Variants in LRRC37A observed in about 807,000 individuals in gnomAD.
LRRC37A encodes leucine-rich repeat-containing protein 37A.
In LRRC37A, 3 loss-of-function variants were observed where a neutral mutation model predicts 35.4. That is an observed-to-expected ratio of 0.08 (90% confidence interval 0.04 to 0.22). The LOEUF is 0.22. Among genes scored for constraint, LRRC37A ranks in the 10% least tolerant of loss-of-function variants. The pLI, the probability that LRRC37A is intolerant of heterozygous loss-of-function variation, is 1.00. For missense variants in LRRC37A, 67 were observed against 565.3 expected (o/e 0.12, Z 8.94); for synonymous variants, 23 against 215.0 (o/e 0.11, Z 7.81).
intron 2 of LRRC37A, among the ~76,000 whole-genome samples, 188 bp downstream of exon 2, chr17:46,300,053 G>A: frequency 2.0e-5 from 1 of 48,960 alleles, no homozygotes; most frequent in African/African-American, 4.7e-5. Flanking sequence ...AAAATAAGAG[G>A]CAATTTAAAT....
At chr17:46,275,267 GT>G in the LRRC37A span, 127,760 of 514,550 alleles carry the variant, frequency 0.25, 18,710 homozygotes, top group Non-Finnish European at 0.32. Flanking sequence ...TAAAAACAAA[GT>G]TTAGGTCAAG....
chr17:46,285,886 G>A, the LRRC37A span, among the ~76,000 whole-genome samples: 1 of 152,248 alleles, frequency 6.6e-6, no homozygotes, highest in East Asian at 1.9e-4. Context: ...GCTGCACACA[G>A]AGGGGCTCTC....
At chr17:46,277,464 A>G in the LRRC37A span, among the ~76,000 whole-genome samples, 6 of 152,180 alleles carry the variant, frequency 3.9e-5, no homozygotes, top group Non-Finnish European at 7.3e-5. Flanking sequence ...TAAAAAAGCA[A>G]TTTTAGAAAT....
At chr17:46,279,175 CT>C in the LRRC37A span, among the ~76,000 whole-genome samples, 17,165 of 144,192 alleles carry the variant, frequency 0.12, 2 homozygotes, top group Non-Finnish European at 0.18. Flanking sequence ...ATAAGGCATT[CT>C]TTTTTTTCTT....
intron 5 of LRRC37A, among the ~76,000 whole-genome samples, chr17:46,317,087 C>A (rs1340662964): frequency 1.2e-5 from 1 of 84,592 alleles, no homozygotes; most frequent in African/African-American, 3.1e-5. Context: ...TCAACAAAAC[C>A]GCCATTGTCA....
chr17:46,254,948 G>A, the LRRC37A span, among the ~76,000 whole-genome samples: 5 of 151,804 alleles, frequency 3.3e-5, no homozygotes, highest in African/African-American at 1.2e-4. Flanking sequence ...CGATTCTCCT[G>A]CCTTAGCCTC....
At chr17:46,248,702 T>C in the LRRC37A span, among the ~76,000 whole-genome samples, 9 of 152,098 alleles carry the variant, frequency 5.9e-5, no homozygotes, top group Admixed American at 2.0e-4. Flanking sequence ...GTATTTTTAG[T>C]AGAGACGAGG....
the LRRC37A span, chr17:46,268,761 A>C: frequency 8.7e-7 from 1 of 1,147,250 alleles, no homozygotes; most frequent in Non-Finnish European, 1.2e-6. Context: ...GTCTATCTTC[A>C]TGTAATGGGT....
At chr17:46,289,695 C>T (rs147657306), upstream of LRRC37A, among the ~76,000 whole-genome samples, 6 of 152,320 alleles carry the variant, frequency 3.9e-5, no homozygotes, top group African/African-American at 1.4e-4. Flanking sequence ...AAAATATTCC[C>T]AAAACGTTTC....
chr17:46,283,654 C>T, the LRRC37A span, among the ~76,000 whole-genome samples: 1 of 151,952 alleles, frequency 6.6e-6, no homozygotes, highest in African/African-American at 2.4e-5. Flanking sequence ...GGGTGTTTCT[C>T]GTTAAGTGGA....
In LRRC37A at chr17:46,316,728, G is replaced by T. The variant is rs1235236268; in HGVS notation, c.2907-5594G>T. 7.4e-5 allele frequency among the ~76,000 whole-genome samples: 6 copies of T among 81,158 alleles called. No individual in the cohort carries two copies. The East Asian group carries it at 1.9e-3, about 26-fold the overall frequency. The allele number at this position is 81,158 out of a possible 152,430, so 53.2% of individuals were successfully genotyped here. A position where few individuals can be genotyped will look rare whatever the true frequency, so the allele number is the denominator to read the frequency against. On this transcript the variant is annotated intron_variant, in intron 5 of 13. Coordinates refer to ENST00000320254, the Ensembl canonical transcript of LRRC37A. The stretch of plus-strand genomic sequence containing the variant: ...TCAGCAGATAAACAAGTGAACAAAG[G>T]TCTCTGGTTTTCCTAGGCAGAGGAC...
the LRRC37A span, among the ~76,000 whole-genome samples, chr17:46,274,485 TAGC>T: frequency 6.6e-6 from 1 of 152,236 alleles, no homozygotes; most frequent in Non-Finnish European, 1.5e-5. Flanking sequence ...CATGTGTACA[TAGC>T]AGCTCCTTTC....
the LRRC37A span, among the ~76,000 whole-genome samples, chr17:46,265,469 T>TCC: frequency 6.7e-6 from 1 of 150,368 alleles, no homozygotes; most frequent in Non-Finnish European, 1.5e-5. Flanking sequence ...CTCCTCTTCC[T>TCC]TCTTCTTCTT....
At chr17:46,291,969 CAAA>C (rs59554870), upstream of LRRC37A, among the ~76,000 whole-genome samples, 177 of 58,084 alleles carry the variant, frequency 3.0e-3, 2 homozygotes, top group African/African-American at 0.01. Flanking sequence ...TCTCAAAAAG[CAAA>C]AAAAAAAAAA....
rs1335216301 is a variant in LRRC37A at position 46,316,323 on chromosome 17, T to C, written c.2907-5999T>C. On this transcript the variant is annotated intron_variant, in intron 5 of 13. Transcript: ENST00000320254. ...CAGTTTTTATTTATCTAGAATATCT[T>C]AATTTCTCTTCAATTTCAAAGGTAG... is the stretch of plus-strand genomic sequence containing the variant. 2.4e-4 allele frequency among the ~76,000 whole-genome samples: 5 copies of C among 20,650 alleles called. No individual in the cohort carries two copies. In the Admixed American group the frequency reaches 2.7e-3, roughly 11 times the overall value. The allele number at this position is 20,650 out of a possible 152,430, so 13.5% of individuals were successfully genotyped here.
At chr17:46,260,799 T>G in the LRRC37A span, among the ~76,000 whole-genome samples, 1 of 152,090 alleles carries the variant, frequency 6.6e-6, no homozygotes, top group Non-Finnish European at 1.5e-5. Flanking sequence ...AATTTTGTAT[T>G]TTTAGTAGAG....
chr17:46,289,467 C>A (rs1389286207), upstream of LRRC37A, among the ~76,000 whole-genome samples: 4 of 152,126 alleles, frequency 2.6e-5, no homozygotes, highest in Non-Finnish European at 4.4e-5. Flanking sequence ...CACTTGTACC[C>A]AGCCATAAGA....
At chr17:46,280,428 C>G in the LRRC37A span, among the ~76,000 whole-genome samples, 2 of 152,212 alleles carry the variant, frequency 1.3e-5, no homozygotes, top group African/African-American at 4.8e-5. Context: ...AATCCCAGCA[C>G]TCTGGGAGGC....
the LRRC37A span, among the ~76,000 whole-genome samples, chr17:46,265,313 T>TC: frequency 8.6e-6 from 1 of 115,978 alleles, no homozygotes; most frequent in Admixed American, 1.0e-4. Flanking sequence ...CTTCTTCTTC[T>TC]TCCTCTTCTT....
Sources: gnomAD v4.1 joint callset for allele counts (sites outside exome capture counted in the v4.1 genomes callset) on GRCh38, gnomAD v4.1.1 for gene constraint, MANE v1.5 for transcripts, NCBI Gene and HGNC (gene_info 2026-07-23, HGNC 2026-07-21) for gene names.